The following NME9 variants were observed in gnomAD, a reference collection of about 807,000 sequenced individuals.
NME9 encodes NME/NM23 family member 9, also known as thioredoxin domain-containing protein 6.
Under a neutral mutation model 44.4 loss-of-function variants are expected in NME9, and 48 were observed. The observed-to-expected ratio is 1.08, with a 90% CI of 0.86 to 1.37. NME9 has a LOEUF of 1.37. NME9 is among the 40% of genes most tolerant of loss of function. The pLI is 0.00. For missense variants in NME9, 325 were observed against 405.2 expected (o/e 0.80, Z 1.70); for synonymous variants, 139 against 147.1 (o/e 0.94, Z 0.40).
intron 8 of NME9, chr3:138,290,550 A>G (rs1318082881): frequency 1.2e-6 from 2 of 1,600,572 alleles, no homozygotes; most frequent in Non-Finnish European, 1.7e-6. Flanking sequence ...GTTTAGGTTC[A>G]CAAGAACGCC....
rs1272127133 is a variant in NME9, at chr3:138,303,537, A to T, written c.898T>A (p.Phe300Ile). The change falls in exon 10 of 11, where the codon TTT (phenylalanine) becomes ATT (isoleucine). Residue 300 changes from phenylalanine (F) to isoleucine (I), a missense_variant. Physicochemically the swap from Phe to Ile is conservative, Grantham distance 21 (BLOSUM62 0). Coordinates refer to ENST00000333911, the MANE Select transcript of NME9 (RefSeq NM_001349018.2). ...GGGGCTTCTGTATCTTTGTCTGAAA[A>T]TTTCAAACTGGGGAAGAGCAATGCC... The part of the protein sequence containing the change: ...ELALLFPSLK[F>I]SDKDTEAPQG... The T allele has an allele frequency of 6.8e-6, 11 of 1,613,702 alleles. No homozygotes were observed. Among genetic ancestry groups the T allele is most frequent in the Non-Finnish European group, 9.3e-6 (11 of 1,179,748 alleles).
intron 8 of NME9, among the ~76,000 whole-genome samples, chr3:138,277,752 C>T (rs554660420): frequency 1.2e-4 from 19 of 152,270 alleles, no homozygotes; most frequent in Non-Finnish European, 2.2e-4. Context: ...TGTACATATA[C>T]GTGCCATACG....
intron 8 of NME9, among the ~76,000 whole-genome samples, chr3:138,291,028 C>T (rs1189720557): frequency 6.6e-6 from 1 of 152,164 alleles, no homozygotes; most frequent in Non-Finnish European, 1.5e-5. Context: ...TGGCCCAGCT[C>T]CTGGGGATAC....
intron 2 of NME9, chr3:138,324,240 C>T (rs1310923387): frequency 3.1e-6 from 1 of 326,006 alleles, no homozygotes; most frequent in Admixed American, 3.9e-5. Flanking sequence ...CACAAAAGAA[C>T]TTGGAAGCAA....
At chr3:138,299,979 C>T (rs1577104130), downstream of NME9, among the ~76,000 whole-genome samples, 1 of 152,136 alleles carries the variant, frequency 6.6e-6, no homozygotes, top group East Asian at 1.9e-4. Flanking sequence ...AGGCATAGGG[C>T]TTCTCCAAGT....
intron 6 of NME9, among the ~76,000 whole-genome samples, chr3:138,307,735 C>A (rs554366761): frequency 8.6e-5 from 13 of 151,944 alleles, no homozygotes; most frequent in African/African-American, 3.1e-4. Context: ...AAGGGCAGCA[C>A]AAGAAAAGAA....
At chr3:138,311,596 A>C (rs950026295) in intron 6 of NME9, among the ~76,000 whole-genome samples, 1 of 152,262 alleles carries the variant, frequency 6.6e-6, no homozygotes, top group Non-Finnish European at 1.5e-5. Context: ...GTAAATCAAT[A>C]AATGTGATTC....
chr3:138,320,731 CTG>C (rs1013038464), intron 2 of NME9, among the ~76,000 whole-genome samples: 4 of 152,106 alleles, frequency 2.6e-5, no homozygotes, highest in Admixed American at 6.5e-5. Context: ...GAGAGGGAGA[CTG>C]TGGTGCAAAG....
In NME9 at chr3:138,319,529, G is replaced by C. The variant is rs1428683626; in HGVS notation, c.144C>G (p.Leu48=). Residue 48 remains leucine, a synonymous_variant, in exon 3 of 11, where the codon CTC becomes CTG. Coordinates refer to ENST00000333911, the MANE Select transcript of NME9 (RefSeq NM_001349018.2). ...CGACCTCGATCCTCATCTTCTGGAA[G>C]AGGCTCACCACAGGTTTGCAGGGGC... is the stretch of plus-strand genomic sequence containing the variant. ...WCGPCKPVVS[L]FQKMRIEVGL... is the part of the protein sequence containing the mutation. The C allele has an allele frequency of 2.5e-6, 4 of 1,613,818 alleles. No homozygotes were observed. In the South Asian group the frequency reaches 3.3e-5, roughly 13 times the overall value.
intron 8 of NME9, among the ~76,000 whole-genome samples, chr3:138,279,973 G>A (rs970036810): frequency 4.6e-4 from 70 of 150,774 alleles, no homozygotes; most frequent in Non-Finnish European, 1.9e-4. Flanking sequence ...GGCTGATCTC[G>A]GCTCACTGCA....
rs2053984753 is a variant in NME9, at chr3:138,329,352, C to A, written c.-17G>T. The A allele has an allele frequency of 6.5e-7, 1 of 1,535,902 alleles. No individual in the cohort carries two copies. The highest frequency in any genetic ancestry group is 1.4e-5 in the African/African-American group (1 of 73,048). Reference sequence around the variant, plus strand: ...GCTGCCCATGGCTCTGCAAAGAAGACGAAGCCCTGTTACCGCGGCCGTGGG... The same window carrying A: ...GCTGCCCATGGCTCTGCAAAGAAGAAGAAGCCCTGTTACCGCGGCCGTGGG... On this transcript the variant is annotated 5_prime_UTR_variant, in exon 1 of 11. Coordinates refer to ENST00000333911, the MANE Select transcript of NME9 (RefSeq NM_001349018.2).
intron 1 of NME9, among the ~76,000 whole-genome samples, chr3:138,325,795 GATT>G (rs1376199010): frequency 9.4e-6 from 1 of 106,230 alleles, no homozygotes; most frequent in Non-Finnish European, 1.9e-5. Context: ...AAGATTTAGG[GATT>G]TTTTTTTTTT....
chr3:138,294,531 TTATA>T (rs1359717675), intron 8 of NME9, among the ~76,000 whole-genome samples: 2 of 152,214 alleles, frequency 1.3e-5, no homozygotes, highest in African/African-American at 4.8e-5. Context: ...CTTTAGAGTC[TTATA>T]TAATTGCAAG....
intron 8 of NME9, among the ~76,000 whole-genome samples, chr3:138,268,016 G>A (rs2048436485): frequency 6.6e-6 from 1 of 152,136 alleles, no homozygotes; most frequent in Admixed American, 6.5e-5. Context: ...GCCAAGGCAG[G>A]CAGAACACTT....
At chr3:138,293,545 A>G in intron 8 of NME9, among the ~76,000 whole-genome samples, 1 of 152,112 alleles carries the variant, frequency 6.6e-6, no homozygotes, top group East Asian at 1.9e-4. Context: ...TCAAAAAAAA[A>G]AAGAAAAGAG....
intron 8 of NME9, among the ~76,000 whole-genome samples, chr3:138,276,076 G>A (rs187212848): frequency 1.3e-5 from 2 of 152,284 alleles, no homozygotes; most frequent in Middle Eastern, 3.4e-3. Context: ...AGACAGAAAG[G>A]TGAGGCAAGA....
At chr3:138,299,238 AC>A (rs1487825096), downstream of NME9, among the ~76,000 whole-genome samples, 1 of 152,016 alleles carries the variant, frequency 6.6e-6, no homozygotes, top group African/African-American at 2.4e-5. Context: ...CCCAAGGGCC[AC>A]TGAGTGGACT....
At chr3:138,325,149 T>A (rs1467368598) in intron 1 of NME9, among the ~76,000 whole-genome samples, 1 of 152,234 alleles carries the variant, frequency 6.6e-6, no homozygotes, top group Non-Finnish European at 1.5e-5. Context: ...TCTCAGGCAT[T>A]TAAAAAATAC....
At chr3:138,275,655 C>T (rs765036187) in intron 8 of NME9, among the ~76,000 whole-genome samples, 4 of 152,106 alleles carry the variant, frequency 2.6e-5, no homozygotes, top group Non-Finnish European at 1.5e-5. Flanking sequence ...CCCAGAGAGT[C>T]TAACTTCAGG....
Sources: allele counts gnomAD v4.1 joint callset (sites outside exome capture counted in the v4.1 genomes callset), GRCh38; gene constraint gnomAD v4.1.1; transcripts MANE v1.5; gene names NCBI Gene and HGNC (gene_info 2026-07-23, HGNC 2026-07-21).